Variants in IKBKE observed in about 807,000 individuals in gnomAD.
IKBKE encodes inhibitor of nuclear factor kappa-B kinase subunit epsilon.
Under a neutral mutation model 92.1 loss-of-function variants are expected in IKBKE, and 45 were observed. That is an observed-to-expected ratio of 0.49 (90% CI 0.38 to 0.63). IKBKE has a LOEUF of 0.63. Ranked by LOEUF, IKBKE falls within the 20% of genes least tolerant of loss-of-function variation. IKBKE has a pLI of 0.00. For synonymous variants in IKBKE, 374 were observed against 380.3 expected (o/e 0.98, Z 0.19); for missense variants, 700 against 932.8 (o/e 0.75, Z 3.25).
At chr1:206,493,510 G>A in intron 20 of IKBKE, 132 bp downstream of exon 20, 3 of 658,400 alleles carry the variant, frequency 4.6e-6, no homozygotes, top group East Asian at 2.8e-5. Context: ...GAGACTAGCT[G>A]GGTGCGGTGG....
Position 206,476,582 on chromosome 1 carries a change from C to A in IKBKE, c.541-96C>A. 7.0e-7 allele frequency: 1 copy of A among 1,431,466 alleles called. No individual in the cohort carries two copies. Among genetic ancestry groups the A allele is most frequent in the Non-Finnish European group, 9.6e-7 (1 of 1,036,654 alleles). The allele number at this position is 1,431,466 out of a possible 1,614,324, so 88.7% of individuals were successfully genotyped here. ...ATGACAAAGAAGGATTTGAACAGTTCTGTTTTCACCTGCAGGCGGTGAAAG... is the reference window on the plus strand; with the variant it reads ...ATGACAAAGAAGGATTTGAACAGTTATGTTTTCACCTGCAGGCGGTGAAAG... On this transcript the variant is annotated intron_variant, in intron 6 of 21. Coordinates refer to ENST00000581977, the MANE Select transcript of IKBKE (RefSeq NM_014002.4). This position sits in a 1 kb window ranked among gnomAD's most constrained non-coding sequence, Gnocchi z 5.1.
rs1162407480 is a variant in IKBKE, at chr1:206,487,380, A to T, written c.1617-534A>T. Among the ~76,000 whole-genome samples the T allele has an allele frequency of 6.6e-6, 1 of 152,242 alleles. No homozygotes were observed. The highest frequency in any genetic ancestry group is 1.5e-5 in the Non-Finnish European group (1 of 68,034). On this transcript the variant is annotated intron_variant, in intron 15 of 21. Transcript: ENST00000581977. This position sits in a 1 kb window ranked among gnomAD's most constrained non-coding sequence, Gnocchi z 5.3. Reference sequence around the variant, plus strand: ...CTCCGGGCAGGACCGAGGCCTGTTGATTCATTCTTGTTTTCAATAAGGATT... The same window carrying T: ...CTCCGGGCAGGACCGAGGCCTGTTGTTTCATTCTTGTTTTCAATAAGGATT...
intron 15 of IKBKE, among the ~76,000 whole-genome samples, chr1:206,486,393 G>A (rs1385956546): frequency 1.3e-5 from 2 of 151,654 alleles, no homozygotes; most frequent in Admixed American, 1.3e-4. Flanking sequence ...CTGAGGCCCT[G>A]TCCTTTTGGA....
Position 206,476,910 on chromosome 1 carries a change from T to C in IKBKE, c.701+72T>C. 2.6e-6 allele frequency: 4 copies of C among 1,550,928 alleles called. No individual in the cohort carries two copies. Among genetic ancestry groups the C allele is most frequent in the Non-Finnish European group, 3.5e-6 (4 of 1,129,356 alleles). Reference sequence around the variant, plus strand: ...TGGCCCTTCCCCCACCGGTCCTTGCTGTGTCTTCTGGTCCCCTCACACTCC... The same window carrying C: ...TGGCCCTTCCCCCACCGGTCCTTGCCGTGTCTTCTGGTCCCCTCACACTCC... On this transcript the variant is annotated intron_variant, in intron 7 of 21. Transcript: ENST00000581977. The surrounding 1 kb of genome is among the most constrained non-coding windows in gnomAD (Gnocchi z 5.1).
At chr1:206,489,556 T>C (rs1665845220) in intron 16 of IKBKE, among the ~76,000 whole-genome samples, 1 of 151,740 alleles carries the variant, frequency 6.6e-6, no homozygotes, top group East Asian at 1.9e-4. Flanking sequence ...TAAACAAAAC[T>C]AGCTGGACGT....
Position 206,478,566 on chromosome 1 carries a change from T to C in IKBKE, c.992+227T>C, listed in dbSNP as rs192462164. On this transcript the variant is annotated intron_variant, in intron 9 of 21. Coordinates refer to ENST00000581977, the MANE Select transcript of IKBKE (RefSeq NM_014002.4). This position sits in a 1 kb window ranked among gnomAD's most constrained non-coding sequence, Gnocchi z 4.8. ...CCTTTTCTAATGCTAATATGCATTA[T>C]ACATCTGAGAAGTGTGTGCGTGGTG... Among the ~76,000 whole-genome samples, 3 of 152,354 alleles carry C rather than the reference T, an allele frequency of 2.0e-5. No homozygotes were observed. In the East Asian group the frequency reaches 5.8e-4, roughly 29 times the overall value.
intron 16 of IKBKE, among the ~76,000 whole-genome samples, chr1:206,489,523 C>G (rs1476376295): frequency 6.6e-6 from 1 of 151,408 alleles, no homozygotes; most frequent in Admixed American, 6.6e-5. Flanking sequence ...GGCAACATAG[C>G]AAGACCCCGT....
Position 206,493,348 on chromosome 1 carries a change from C to G in IKBKE, c.2015C>G (p.Pro672Arg), listed in dbSNP as rs1322042486. ...TCGCCGCCTCCCATAGCTCCTTACC[C>G]CAGCCCTACACGAAAGGACCTGCTT... ...QASPPPIAPY[P>R]SPTRKDLLLH... Residue 672 changes from proline to arginine, a missense_variant, in exon 20 of 22, where the codon CCC becomes CGC. Transcript: ENST00000581977. 2 of 1,613,874 alleles carry G rather than the reference C, an allele frequency of 1.2e-6. No homozygotes were observed. Among genetic ancestry groups the G allele is most frequent in the African/African-American group, 1.3e-5 (1 of 74,932 alleles).
rs41299342 is a variant in IKBKE at position 206,490,597 on chromosome 1, C to T, written c.1694-222C>T. Among the ~76,000 whole-genome samples, 20 of 152,344 alleles carry T rather than the reference C, an allele frequency of 1.3e-4. No homozygotes were observed. Among genetic ancestry groups the T allele is most frequent in the African/African-American group, 3.8e-4 (16 of 41,578 alleles). ...GCAGGCTGCCTTCCCCTGGGGCCCT[C>T]ACACAATTTCCCCATGGCTTCTTGA... On this transcript the variant is annotated intron_variant, in intron 16 of 21. Transcript: ENST00000581977. This position sits in a 1 kb window ranked among gnomAD's most constrained non-coding sequence, Gnocchi z 5.2.
rs41299850 is a variant in IKBKE, at chr1:206,491,549, G to A, written c.1734-99G>A. On this transcript the variant is annotated intron_variant, in intron 17 of 21. Coordinates refer to ENST00000581977, the MANE Select transcript of IKBKE (RefSeq NM_014002.4). The stretch of plus-strand genomic sequence containing the variant: ...GTGGACGCAGGGCTTGGGCACTTAC[G>A]ACAAGGTGGTGACGGAGACTGACGG... 3.5e-5 allele frequency: 29 copies of A among 828,188 alleles called. No individual in the cohort carries two copies. The Middle Eastern group carries it at 6.8e-4, about 19-fold the overall frequency. 51.3% of individuals were successfully genotyped at this position (828,188 alleles called of 1,614,324 possible).
intron 2 of IKBKE, chr1:206,472,872 T>C (rs1377874445): frequency 6.3e-6 from 2 of 317,352 alleles, no homozygotes; most frequent in Middle Eastern, 9.8e-4. Context: ...GGAGAGGTGG[T>C]AGAGACAAGA....
At chr1:206,495,318 G>C (rs1666180718) in intron 21 of IKBKE, among the ~76,000 whole-genome samples, 1 of 152,188 alleles carries the variant, frequency 6.6e-6, no homozygotes, top group African/African-American at 2.4e-5. Context: ...CTGTGAAACA[G>C]GAGTAATAAT....
chr1:206,495,463 T>C (rs1179170341), intron 21 of IKBKE, among the ~76,000 whole-genome samples: 1 of 152,144 alleles, frequency 6.6e-6, no homozygotes, highest in African/African-American at 2.4e-5. Flanking sequence ...CACACTAGAA[T>C]TGGGGCCAGG....
At position 206,496,703 on chromosome 1, in the gene IKBKE, C is replaced by G. The variant is rs981226882; in HGVS notation, c.*558C>G. On this transcript the variant is annotated 3_prime_UTR_variant, in exon 22 of 22. Transcript: ENST00000581977. ...GCCTCCTGTTCTTTCTATGCTTGGT[C>G]TGACTGAGCCTAAAGTTGAGAAAAT... is the stretch of plus-strand genomic sequence containing the variant. 1 of 233,590 alleles carries G rather than the reference C, an allele frequency of 4.3e-6. No homozygotes were observed. Among genetic ancestry groups the G allele is most frequent in the Non-Finnish European group, 8.5e-6 (1 of 118,246 alleles). 14.5% of individuals were successfully genotyped at this position (233,590 alleles called of 1,614,324 possible). A position where few individuals can be genotyped will look rare whatever the true frequency, so the allele number is the denominator to read the frequency against.
intron 17 of IKBKE, 127 bp from the exon 18 acceptor site, chr1:206,491,521 G>A: frequency 1.5e-6 from 1 of 656,034 alleles, no homozygotes; most frequent in Non-Finnish European, 2.8e-6. Flanking sequence ...ACATAGCCCT[G>A]CTGTGGACGC....
At position 206,474,653 on chromosome 1, in the gene IKBKE, T is replaced by G; in HGVS notation, c.228+182T>G. 7.7e-6 allele frequency: 6 copies of G among 777,938 alleles called. 1 individual carries two copies. In the South Asian group the frequency reaches 1.1e-4, roughly 14 times the overall value. 48.2% of individuals were successfully genotyped at this position (777,938 alleles called of 1,614,324 possible). On this transcript the variant is annotated intron_variant, in intron 4 of 21. Transcript: ENST00000581977. ...GGGGCGGTGCACTGGAAAGGAACGA[T>G]GGACAGAATCAGTACCTAAGCAGAG...
At position 206,491,678 on chromosome 1, in the gene IKBKE, C is replaced by T; in HGVS notation, c.1764C>T (p.Leu588=). Residue 588 remains leucine, a synonymous_variant, in exon 18 of 22, where the codon CTC becomes CTT. Transcript: ENST00000581977. ...ATTTCAGTCATTTAGCCAAAAGACT[C>T]CTGCAGGTGTTCCAGGAGGAGTGCG... ...KVNFSHLAKR[L]LQVFQEECVQ... is the part of the protein sequence containing the mutation. The T allele has an allele frequency of 4.3e-6, 7 of 1,613,536 alleles. No individual in the cohort carries two copies. In the South Asian group the frequency reaches 4.4e-5, roughly 10 times the overall value.
intron 4 of IKBKE, 48 bp from the exon 5 acceptor site, chr1:206,474,817 G>T (rs1553384788): frequency 6.3e-7 from 1 of 1,598,440 alleles, no homozygotes. Context: ...CTGGTGGGTG[G>T]GGAGGAGAAG....
In IKBKE at chr1:206,476,627, G is replaced by T. The variant is rs1553385412; in HGVS notation, c.541-51G>T. 6.2e-7 allele frequency: 1 copy of T among 1,606,466 alleles called. No individual in the cohort carries two copies. The highest frequency in any genetic ancestry group is 1.7e-5 in the Admixed American group (1 of 59,606). ...TGAAAGGGGGTCTGACAGGTCTCAG[G>T]CCCTTGCCAGCCCTCCGGCTCCATG... is the stretch of plus-strand genomic sequence containing the variant. On this transcript the variant is annotated intron_variant, in intron 6 of 21. Coordinates refer to ENST00000581977, the MANE Select transcript of IKBKE (RefSeq NM_014002.4). The surrounding 1 kb of genome is among the most constrained non-coding windows in gnomAD (Gnocchi z 5.1).
Sources: allele counts gnomAD v4.1 joint callset (sites outside exome capture counted in the v4.1 genomes callset), GRCh38; gene constraint gnomAD v4.1.1; non-coding constraint Gnocchi (gnomAD v3.1); transcripts MANE v1.5; gene names NCBI Gene and HGNC (gene_info 2026-07-23, HGNC 2026-07-21).